AGBL3: variants seen among roughly 807,000 people sequenced by gnomAD.
The protein encoded by AGBL3 is AGBL carboxypeptidase 3.
In AGBL3, 68 loss-of-function variants were observed where a neutral mutation model predicts 94.5. The observed-to-expected ratio is 0.72, with a 90% CI of 0.59 to 0.88. The LOEUF is 0.88. AGBL3 is among the 40% of genes least tolerant of loss of function. AGBL3 has a pLI of 0.00. For synonymous variants in AGBL3, 354 were observed against 370.7 expected, an observed-to-expected ratio of 0.95 and a Z score of 0.52; for missense variants, 934 against 1,103.8, an observed-to-expected ratio of 0.85 and a Z score of 2.18.
intron 11 of AGBL3, among the ~76,000 whole-genome samples, chr7:135,057,844 T>C (rs1705277573): frequency 6.6e-6 from 1 of 152,194 alleles, no homozygotes; most frequent in Admixed American, 6.6e-5. Flanking sequence ...TTAATTTATA[T>C]TACTAAGTGG....
At chr7:135,105,210 C>G (rs1824495220) in intron 15 of AGBL3, among the ~76,000 whole-genome samples, 1 of 151,552 alleles carries the variant, frequency 6.6e-6, no homozygotes, top group Admixed American at 6.6e-5. Context: ...GCTGGGATTA[C>G]AGGTGCCCAC....
chr7:135,096,708 GGAAGAAAGAAAGA>G (rs1389387555), intron 15 of AGBL3, among the ~76,000 whole-genome samples: 3 of 115,828 alleles, frequency 2.6e-5, no homozygotes, highest in Admixed American at 1.9e-4. Context: ...AGAAAAAGAG[GGAAGAAAGAAAGA>G]GAAGAAAGAA....
chr7:134,993,803 A>G (rs1434700448), intron 4 of AGBL3, 125 bp downstream of exon 4: 4 of 811,558 alleles, frequency 4.9e-6, no homozygotes, highest in East Asian at 6.5e-5. Flanking sequence ...CATGAGCCAC[A>G]TAATGTAATT....
intron 3 of AGBL3, among the ~76,000 whole-genome samples, chr7:134,992,750 G>T (rs1810455836): frequency 6.6e-6 from 1 of 152,236 alleles, no homozygotes; most frequent in East Asian, 1.9e-4. Flanking sequence ...AGTTATCTGA[G>T]CTCTAGTCCA....
intron 4 of AGBL3, among the ~76,000 whole-genome samples, chr7:135,004,660 C>A (rs1008920320): frequency 6.6e-6 from 1 of 151,514 alleles, no homozygotes; most frequent in Non-Finnish European, 1.5e-5. Flanking sequence ...GCTTTTCATG[C>A]AGGATTTTAA....
intron 12 of AGBL3, among the ~76,000 whole-genome samples, chr7:135,070,494 G>A (rs1367959417): frequency 5.9e-5 from 9 of 152,062 alleles, no homozygotes; most frequent in Non-Finnish European, 7.4e-5. Flanking sequence ...CTGGCAAACC[G>A]AATCCAACAG....
chr7:135,112,724 T>C (rs1825810848), intron 15 of AGBL3, among the ~76,000 whole-genome samples: 1 of 152,244 alleles, frequency 6.6e-6, no homozygotes, highest in South Asian at 2.1e-4. Flanking sequence ...TTTTCACATC[T>C]ATTTACCAAA....
intron 3 of AGBL3, 80 bp from the exon 4 acceptor site, chr7:134,993,413 A>G: frequency 8.1e-7 from 1 of 1,233,724 alleles, no homozygotes; most frequent in Non-Finnish European, 1.1e-6. Flanking sequence ...GTTGAAAGGA[A>G]AAAAGGAACT....
At chr7:135,065,904 T>C (rs1819246881) in intron 12 of AGBL3, among the ~76,000 whole-genome samples, 1 of 151,992 alleles carries the variant, frequency 6.6e-6, no homozygotes, top group African/African-American at 2.4e-5. Context: ...GAAACAAAAA[T>C]GGTGTTGGGA....
chr7:135,076,507 A>C (rs532202896), intron 13 of AGBL3, 39 bp downstream of exon 13: 14 of 1,424,924 alleles, frequency 9.8e-6, no homozygotes, highest in South Asian at 1.3e-5. Flanking sequence ...GTTTTTTTAA[A>C]TGAATGAAAG....
intron 4 of AGBL3, among the ~76,000 whole-genome samples, chr7:135,013,759 G>A (rs1813436347): frequency 6.6e-6 from 1 of 152,106 alleles, no homozygotes; most frequent in Non-Finnish European, 1.5e-5. Flanking sequence ...AGCTCTGGAT[G>A]ACCACTGAGT....
At chr7:135,133,651 T>A (rs1276952556) in intron 16 of AGBL3, among the ~76,000 whole-genome samples, 1 of 152,122 alleles carries the variant, frequency 6.6e-6, no homozygotes, top group African/African-American at 2.4e-5. Context: ...GATAGGGAAT[T>A]CAAAAGCAAT....
intron 15 of AGBL3, among the ~76,000 whole-genome samples, chr7:135,091,674 T>A (rs960662980): frequency 9.9e-5 from 15 of 152,198 alleles, no homozygotes; most frequent in African/African-American, 3.6e-4. Flanking sequence ...CATGAAAGAC[T>A]TCCAGTGATC....
At chr7:135,105,025 T>A (rs1824442294) in intron 15 of AGBL3, among the ~76,000 whole-genome samples, 1 of 151,752 alleles carries the variant, frequency 6.6e-6, no homozygotes, top group South Asian at 2.1e-4. Context: ...TAGTATTGCC[T>A]AGGTTGTCTT....
At chr7:135,134,267 T>C (rs1282883961) in intron 16 of AGBL3, among the ~76,000 whole-genome samples, 1 of 152,106 alleles carries the variant, frequency 6.6e-6, no homozygotes, top group Admixed American at 6.6e-5. Flanking sequence ...AAGTCTACAG[T>C]TATCTCAAAA....
chr7:135,106,758 C>T (rs1824786264), intron 15 of AGBL3, among the ~76,000 whole-genome samples: 2 of 152,126 alleles, frequency 1.3e-5, no homozygotes, highest in South Asian at 2.1e-4. Context: ...CCCTCCTCCT[C>T]AGCTTTTTGA....
intron 11 of AGBL3, among the ~76,000 whole-genome samples, chr7:135,055,599 C>T (rs758299438): frequency 2.1e-4 from 32 of 152,082 alleles, no homozygotes; most frequent in South Asian, 2.1e-4. Flanking sequence ...ACCTGGCATA[C>T]CTGGAATAAA....
chr7:135,053,990 T>C (rs1818118738), intron 11 of AGBL3, among the ~76,000 whole-genome samples: 1 of 152,216 alleles, frequency 6.6e-6, no homozygotes, highest in South Asian at 2.1e-4. Context: ...ATATATTAAT[T>C]ATTTAAAAAT....
chr7:135,077,406 T>C (rs1482670074), intron 13 of AGBL3, among the ~76,000 whole-genome samples: 1 of 152,086 alleles, frequency 6.6e-6, no homozygotes. Flanking sequence ...GTTCATCTCC[T>C]AAAGCAGGGT....
Sources: gnomAD v4.1 joint callset for allele counts (sites outside exome capture counted in the v4.1 genomes callset) on GRCh38, gnomAD v4.1.1 for gene constraint, MANE v1.5 for transcripts, NCBI Gene and HGNC (gene_info 2026-07-23, HGNC 2026-07-21) for gene names.